Variants in PTPRG observed in about 807,000 individuals in gnomAD.
PTPRG encodes receptor-type tyrosine-protein phosphatase gamma.
Under a neutral mutation model 165.3 loss-of-function variants are expected in PTPRG, and 102 were observed. The ratio of observed to expected loss-of-function variants is 0.62; its 90% confidence interval spans 0.53 to 0.73. The LOEUF (loss-of-function observed/expected upper bound fraction) is 0.73. PTPRG is among the 30% of genes least tolerant of loss of function. The pLI, the probability that PTPRG is intolerant of heterozygous loss-of-function variation, is 0.00. For missense variants in PTPRG, 1,866 were observed against 1,861.4 expected (o/e 1.00, Z -0.05); for synonymous variants, 675 against 669.5 (o/e 1.01, Z -0.13).
At chr3:61,724,457 G>A (rs573960720) in intron 1 of PTPRG, among the ~76,000 whole-genome samples, 117 of 152,074 alleles carry the variant, frequency 7.7e-4, no homozygotes, top group Middle Eastern at 6.8e-3. Context: ...TTAACAGTGC[G>A]TACACGTTTT....
In PTPRG at chr3:62,245,716, T is replaced by C. The variant is rs563212207; in HGVS notation, c.2467+1818T>C. Among the ~76,000 whole-genome samples the C allele has an allele frequency of 5.9e-5, 9 of 152,222 alleles. No individual in the cohort carries two copies. In the South Asian group the frequency reaches 1.9e-3, roughly 32 times the overall value. On this transcript the variant is annotated intron_variant, in intron 15 of 29. Coordinates refer to ENST00000474889, the MANE Select transcript of PTPRG (RefSeq NM_002841.4). This position sits in a 1 kb window ranked among gnomAD's most constrained non-coding sequence, Gnocchi z 4.2. ...ATTTGTAAAAGCACTTTGGAAACCATACATTAAGCGAAACGTGTAAGCTGT... is the reference window on the plus strand; with the variant it reads ...ATTTGTAAAAGCACTTTGGAAACCACACATTAAGCGAAACGTGTAAGCTGT...
chr3:61,954,496 T>A lies in PTPRG; in HGVS notation c.191-35129T>A, dbSNP rs560317303. On this transcript the variant is annotated intron_variant, in intron 2 of 29. Coordinates refer to ENST00000474889, the MANE Select transcript of PTPRG (RefSeq NM_002841.4). ...ACTTTGATGTTCTGTATAGGGCTGGTTTGTAGAGCCTTTCTATTAGATGAG... is the reference window on the plus strand; with the variant it reads ...ACTTTGATGTTCTGTATAGGGCTGGATTGTAGAGCCTTTCTATTAGATGAG... Among the ~76,000 whole-genome samples, 16 of 152,236 alleles carry A rather than the reference T, an allele frequency of 1.1e-4. No individual in the cohort carries two copies. In the South Asian group the frequency reaches 3.3e-3, roughly 32 times the overall value.
At chr3:61,902,229 T>C (rs1473014181) in intron 2 of PTPRG, among the ~76,000 whole-genome samples, 1 of 152,182 alleles carries the variant, frequency 6.6e-6, no homozygotes, top group Non-Finnish European at 1.5e-5. Context: ...TGGGCATGAA[T>C]GTTAGGGTGG....
At chr3:61,892,249 C>T (rs1441179102) in intron 2 of PTPRG, among the ~76,000 whole-genome samples, 1 of 152,158 alleles carries the variant, frequency 6.6e-6, no homozygotes, top group Non-Finnish European at 1.5e-5. Context: ...TCTTTTGAGA[C>T]AGAGTCTTGC....
At chr3:61,835,693 G>C (rs928725151) in intron 2 of PTPRG, among the ~76,000 whole-genome samples, 4 of 152,050 alleles carry the variant, frequency 2.6e-5, no homozygotes, top group African/African-American at 9.7e-5. Flanking sequence ...TGTCACATCA[G>C]TGGTTCTTAA....
At chr3:62,244,298 T>A (rs1433307490) in intron 15 of PTPRG, among the ~76,000 whole-genome samples, 1 of 152,254 alleles carries the variant, frequency 6.6e-6, no homozygotes, top group East Asian at 1.9e-4. Flanking sequence ...AATAGAGGAA[T>A]ACATTACTGG....
intron 1 of PTPRG, among the ~76,000 whole-genome samples, chr3:61,614,437 A>G (rs1258408191): frequency 1.5e-4 from 1 of 6,658 alleles, no homozygotes; most frequent in African/African-American, 3.4e-4. Context: ...TTTTTTTTTG[A>G]GACAGGATCT....
chr3:61,964,897 T>C, intron 2 of PTPRG, among the ~76,000 whole-genome samples: 1 of 152,112 alleles, frequency 6.6e-6, no homozygotes, highest in Non-Finnish European at 1.5e-5. Context: ...TCTCTTTGAA[T>C]TGTTCAGCCT....
chr3:61,930,493 A>G (rs2039331374), intron 2 of PTPRG, among the ~76,000 whole-genome samples: 1 of 152,138 alleles, frequency 6.6e-6, no homozygotes, highest in Admixed American at 6.5e-5. Context: ...GTAGACCTGC[A>G]TCTTATGTGT....
intron 2 of PTPRG, chr3:61,749,705 AAT>A (rs2033356495): frequency 6.5e-6 from 1 of 154,018 alleles, no homozygotes; most frequent in African/African-American, 2.4e-5. Flanking sequence ...GATGCTCAAA[AAT>A]ATATGGAAAA....
At chr3:61,813,335 AAAAAAAAAAAAT>A (rs1390580408) in intron 2 of PTPRG, among the ~76,000 whole-genome samples, 1 of 149,954 alleles carries the variant, frequency 6.7e-6, no homozygotes, top group South Asian at 2.1e-4. Flanking sequence ...ACTAAAAAAA[AAAAAAAAAAAAT>A]AGAAAAAAAA....
chr3:61,808,251 C>A (rs150815780), intron 2 of PTPRG, among the ~76,000 whole-genome samples: 84 of 152,272 alleles, frequency 5.5e-4, no homozygotes, highest in African/African-American at 2.0e-3. Flanking sequence ...AGAAAACCCT[C>A]CGATTTTTTG....
intron 1 of PTPRG, among the ~76,000 whole-genome samples, chr3:61,564,114 G>C (rs1163573399): frequency 6.6e-6 from 1 of 152,164 alleles, no homozygotes; most frequent in Non-Finnish European, 1.5e-5. Flanking sequence ...TAGGCCATGG[G>C]GACATCTCCC....
At chr3:62,201,998 G>A (rs1174660288) in intron 11 of PTPRG, among the ~76,000 whole-genome samples, 1 of 152,144 alleles carries the variant, frequency 6.6e-6, no homozygotes, top group African/African-American at 2.4e-5. Flanking sequence ...AATCACAGCA[G>A]TGGTGATAAT....
intron 1 of PTPRG, among the ~76,000 whole-genome samples, chr3:61,740,915 A>C (rs1408243659): frequency 1.3e-5 from 2 of 152,218 alleles, no homozygotes; most frequent in African/African-American, 4.8e-5. Context: ...AACTAGAAGG[A>C]CCATTTATAA....
At chr3:62,130,952 T>C (rs1703492452) in intron 5 of PTPRG, among the ~76,000 whole-genome samples, 1 of 151,634 alleles carries the variant, frequency 6.6e-6, no homozygotes, top group Non-Finnish European at 1.5e-5. Context: ...TTTTTTTTTA[T>C]CTGTAATGTT....
intron 4 of PTPRG, among the ~76,000 whole-genome samples, chr3:62,063,851 G>T (rs1408174866): frequency 6.6e-6 from 1 of 152,080 alleles, no homozygotes; most frequent in Non-Finnish European, 1.5e-5. Flanking sequence ...TAGTGAGCTT[G>T]AGTAGTTGTG....
intron 1 of PTPRG, among the ~76,000 whole-genome samples, chr3:61,654,298 G>C (rs780210772): frequency 1.3e-4 from 20 of 152,242 alleles, no homozygotes; most frequent in Admixed American, 2.6e-4. Context: ...ACATTTAGGA[G>C]ATATAGGTGG....
chr3:62,211,387 GT>G (rs1700353629), intron 12 of PTPRG, among the ~76,000 whole-genome samples: 1 of 152,236 alleles, frequency 6.6e-6, no homozygotes, highest in Non-Finnish European at 1.5e-5. Context: ...TAGAGTTTCT[GT>G]TTTGCAAGAT....
Sources: allele counts gnomAD v4.1 joint callset (sites outside exome capture counted in the v4.1 genomes callset), GRCh38; gene constraint gnomAD v4.1.1; non-coding constraint Gnocchi (gnomAD v3.1); transcripts MANE v1.5; gene names NCBI Gene and HGNC (gene_info 2026-07-23, HGNC 2026-07-21).